The following SLC24A2 variants were observed in gnomAD, a reference collection of about 807,000 sequenced individuals.
SLC24A2 encodes solute carrier family 24 member 2, also known as sodium/potassium/calcium exchanger 2.
Under a neutral mutation model 62.0 loss-of-function variants are expected in SLC24A2, and 36 were observed. That is an observed-to-expected ratio of 0.58 (90% CI 0.44 to 0.77). SLC24A2 has a LOEUF of 0.77. Among genes scored for constraint, SLC24A2 ranks in the 30% least tolerant of loss-of-function variants. SLC24A2 has a pLI of 0.00. For synonymous variants in SLC24A2, 358 were observed against 294.0 expected (o/e 1.22, Z -2.23); for missense variants, 846 against 817.9 (o/e 1.03, Z -0.42).
At chr9:19,677,638 C>G (rs1289574441) in intron 2 of SLC24A2, among the ~76,000 whole-genome samples, 1 of 152,078 alleles carries the variant, frequency 6.6e-6, no homozygotes, top group African/African-American at 2.4e-5. Flanking sequence ...CTTCAATTCT[C>G]ATGAATTTTG....
chr9:20,258,804 CTATCTATCT>C, the SLC24A2 span, among the ~76,000 whole-genome samples: 124 of 124,348 alleles, frequency 1.0e-3, no homozygotes, highest in African/African-American at 3.2e-3. Context: ...ATCTATCTAT[CTATCTATCT>C]ACCTTATCTA....
chr9:20,019,284 AAAG>A, the SLC24A2 span, among the ~76,000 whole-genome samples: 2 of 149,970 alleles, frequency 1.3e-5, no homozygotes, highest in Non-Finnish European at 2.9e-5. Flanking sequence ...AGAAAGAAAG[AAAG>A]AAAGAAAGAA....
the SLC24A2 span, among the ~76,000 whole-genome samples, chr9:19,877,043 A>G: frequency 6.6e-6 from 1 of 152,010 alleles, no homozygotes; most frequent in Non-Finnish European, 1.5e-5. Flanking sequence ...TTCTCTCTAT[A>G]TTAATATGAA....
chr9:19,881,577 G>C, the SLC24A2 span, among the ~76,000 whole-genome samples: 1 of 152,186 alleles, frequency 6.6e-6, no homozygotes, highest in Non-Finnish European at 1.5e-5. Context: ...CAGCGCCTTA[G>C]AGATTGAGAC....
At chr9:19,763,487 T>C (rs1262373596) in intron 2 of SLC24A2, among the ~76,000 whole-genome samples, 2 of 152,228 alleles carry the variant, frequency 1.3e-5, no homozygotes, top group Non-Finnish European at 2.9e-5. Flanking sequence ...TTGAGATATG[T>C]TCCATCAATA....
the SLC24A2 span, among the ~76,000 whole-genome samples, chr9:19,902,847 G>A: frequency 6.6e-6 from 1 of 152,122 alleles, no homozygotes; most frequent in African/African-American, 2.4e-5. Flanking sequence ...TGTGAGTATG[G>A]TTACAGATAT....
chr9:20,139,501 G>GTCAATT, the SLC24A2 span, among the ~76,000 whole-genome samples: 2 of 152,176 alleles, frequency 1.3e-5, no homozygotes, highest in Non-Finnish European at 2.9e-5. Context: ...TCCCTCCTGG[G>GTCAATT]CCAGCACACA....
chr9:20,073,226 C>T, the SLC24A2 span, among the ~76,000 whole-genome samples: 17 of 152,126 alleles, frequency 1.1e-4, no homozygotes, highest in Non-Finnish European at 2.2e-4. Flanking sequence ...TTAAGCCATA[C>T]TTATTAGCAG....
At chr9:19,734,218 T>A (rs1053834837) in intron 2 of SLC24A2, among the ~76,000 whole-genome samples, 1 of 152,054 alleles carries the variant, frequency 6.6e-6, no homozygotes, top group Non-Finnish European at 1.5e-5. Context: ...TTATTTCTGA[T>A]GGCTCTGTTC....
chr9:19,530,468 A>C (rs1466066968), intron 8 of SLC24A2, among the ~76,000 whole-genome samples: 1 of 152,128 alleles, frequency 6.6e-6, no homozygotes, highest in Admixed American at 6.5e-5. Context: ...TCATTTACTA[A>C]ATGTATAATT....
At chr9:19,909,448 T>C in the SLC24A2 span, among the ~76,000 whole-genome samples, 2 of 152,054 alleles carry the variant, frequency 1.3e-5, no homozygotes, top group Admixed American at 6.6e-5. Context: ...AACCTGCACA[T>C]TGTGCACATG....
the SLC24A2 span, among the ~76,000 whole-genome samples, chr9:20,075,616 G>C: frequency 6.6e-6 from 1 of 152,016 alleles, no homozygotes; most frequent in Non-Finnish European, 1.5e-5. Flanking sequence ...GTAGGTGTGG[G>C]TTCACTCCCT....
At chr9:20,238,162 G>C in the SLC24A2 span, among the ~76,000 whole-genome samples, 1 of 152,250 alleles carries the variant, frequency 6.6e-6, no homozygotes, top group African/African-American at 2.4e-5. Flanking sequence ...ACATTTATGA[G>C]GCCTGACACC....
At chr9:19,548,535 T>A (rs1834691813) in intron 8 of SLC24A2, among the ~76,000 whole-genome samples, 1 of 152,188 alleles carries the variant, frequency 6.6e-6, no homozygotes, top group African/African-American at 2.4e-5. Context: ...GGAAGGACTT[T>A]TAGAATAAAG....
At chr9:20,101,774 A>G in the SLC24A2 span, among the ~76,000 whole-genome samples, 1 of 152,166 alleles carries the variant, frequency 6.6e-6, no homozygotes, top group African/African-American at 2.4e-5. Context: ...AAAAAGAAAG[A>G]TACCAAGAAC....
chr9:20,173,977 G>A, the SLC24A2 span, among the ~76,000 whole-genome samples: 1 of 152,048 alleles, frequency 6.6e-6, no homozygotes, highest in East Asian at 1.9e-4. Flanking sequence ...CACCAAAACA[G>A]CATGTTACTG....
At chr9:19,823,809 G>T in the SLC24A2 span, among the ~76,000 whole-genome samples, 5 of 152,194 alleles carry the variant, frequency 3.3e-5, no homozygotes, top group Non-Finnish European at 7.4e-5. Context: ...GCATGGTACT[G>T]GTACCAAAAC....
the SLC24A2 span, among the ~76,000 whole-genome samples, chr9:20,127,336 T>C: frequency 1.3e-5 from 2 of 152,174 alleles, no homozygotes; most frequent in African/African-American, 4.8e-5. Context: ...GAAACTTTAG[T>C]TTAACCTTTT....
chr9:19,715,994 C>T (rs1377303642), intron 2 of SLC24A2, among the ~76,000 whole-genome samples: 1 of 152,150 alleles, frequency 6.6e-6, no homozygotes, highest in Non-Finnish European at 1.5e-5. Context: ...CTAATCATGG[C>T]AGCTTTAACA....
Sources: allele counts gnomAD v4.1 joint callset (sites outside exome capture counted in the v4.1 genomes callset), GRCh38; gene constraint gnomAD v4.1.1; transcripts MANE v1.5; gene names NCBI Gene and HGNC (gene_info 2026-07-23, HGNC 2026-07-21).